Variants in RAD51AP2 observed in about 807,000 individuals in gnomAD.
The protein encoded by RAD51AP2 is RAD51-associated protein 2.
A neutral mutation model predicts 85.5 loss-of-function variants in RAD51AP2; 67 were observed. The observed-to-expected ratio is 0.78, with a 90% CI of 0.64 to 0.96. The LOEUF (loss-of-function observed/expected upper bound fraction) is 0.96, where lower values mean the gene tolerates loss of function less well. RAD51AP2 is among the 40% of genes least tolerant of loss of function. The pLI, the probability that RAD51AP2 is intolerant of heterozygous loss-of-function variation, is 0.00. For missense variants in RAD51AP2, 1,307 were observed against 1,332.4 expected (o/e 0.98, Z 0.30); for synonymous variants, 474 against 446.5 (o/e 1.06, Z -0.78).
Position 17,517,768 on chromosome 2 carries a change from A to G in RAD51AP2, c.648T>C (p.Ser216=), listed in dbSNP as rs1234924225. The G allele has an allele frequency of 6.2e-7, 1 of 1,613,832 alleles. No individual in the cohort carries two copies. Among genetic ancestry groups the G allele is most frequent in the Non-Finnish European group, 8.5e-7 (1 of 1,179,860 alleles). The change falls in exon 1 of 3, where the codon AGT becomes AGC. Residue 216 remains serine, a synonymous_variant. Coordinates refer to ENST00000399080, the MANE Select transcript of RAD51AP2 (RefSeq NM_001099218.3). ...HEIKNRCKAN[S]VVPSNKRENN... is the part of the protein sequence containing the mutation. Reference sequence around the variant, plus strand: ...TTTCTCTTTTATTTGATGGCACAACACTGTTAGCTTTACATCTGTTCTTAA... The same window carrying G: ...TTTCTCTTTTATTTGATGGCACAACGCTGTTAGCTTTACATCTGTTCTTAA...
In RAD51AP2 at chr2:17,516,208, A is replaced by G; in HGVS notation, c.2208T>C (p.Asn736=). 6.2e-7 allele frequency: 1 copy of G among 1,613,362 alleles called. No homozygotes were observed. The highest frequency in any genetic ancestry group is 8.5e-7 in the Non-Finnish European group (1 of 1,179,692). Residue 736 remains asparagine (N), a synonymous_variant, in exon 1 of 3, where the codon AAT becomes AAC. Transcript: ENST00000399080. ...TGTTCTGTATAAATTGAGGACAAGA[A>G]TTACCATGTGCTTTAACAGTACTAG... is the stretch of plus-strand genomic sequence containing the variant. The part of the protein sequence containing the change: ...YNSSTVKAHG[N]SCPQFIQNNR...
At chr2:17,521,063 C>T (rs533151691), upstream of RAD51AP2, among the ~76,000 whole-genome samples, 13 of 152,164 alleles carry the variant, frequency 8.5e-5, no homozygotes, top group South Asian at 1.5e-3. Flanking sequence ...CACTAGGCTC[C>T]ATTAATCAGG....
upstream of RAD51AP2, among the ~76,000 whole-genome samples, chr2:17,522,820 C>G (rs1399798741): frequency 2.0e-5 from 3 of 151,616 alleles, no homozygotes; most frequent in East Asian, 3.9e-4. Context: ...TAGTTTTTTC[C>G]TGAGTTTAGT....
At position 17,516,403 on chromosome 2, in the gene RAD51AP2, A is replaced by T. The variant is rs749966495; in HGVS notation, c.2013T>A (p.Ser671Arg). 3 of 1,607,676 alleles carry T rather than the reference A, an allele frequency of 1.9e-6. No individual in the cohort carries two copies. The highest frequency in any genetic ancestry group is 2.5e-6 in the Non-Finnish European group (3 of 1,177,886). The change falls in exon 1 of 3, where the codon AGT (serine) becomes AGA (arginine). Residue 671 changes from serine to arginine, a missense_variant. Transcript: ENST00000399080. ...KSKKKLINSF[S>R]MTTQNTGFPI... ...GAAAACCTGTATTTTGAGTTGTCAT[A>T]CTGAAGGAATTAATGAGTTTTTTCT... is the stretch of plus-strand genomic sequence containing the variant.
the RAD51AP2 span, among the ~76,000 whole-genome samples, chr2:17,525,299 C>T: frequency 2.6e-5 from 4 of 151,850 alleles, no homozygotes; most frequent in Non-Finnish European, 2.9e-5. Flanking sequence ...CATCAGTGGA[C>T]CTTTTAAGAG....
At chr2:17,525,177 T>A in the RAD51AP2 span, among the ~76,000 whole-genome samples, 2 of 152,022 alleles carry the variant, frequency 1.3e-5, no homozygotes, top group African/African-American at 4.8e-5. Flanking sequence ...AAAAACTAAA[T>A]CTAAATAGAC....
At chr2:17,534,827 T>C in the RAD51AP2 span, among the ~76,000 whole-genome samples, 1 of 152,224 alleles carries the variant, frequency 6.6e-6, no homozygotes, top group Non-Finnish European at 1.5e-5. Flanking sequence ...TTGTGGATTA[T>C]TTGCATGATA....
chr2:17,533,231 T>A, the RAD51AP2 span, among the ~76,000 whole-genome samples: 177 of 152,344 alleles, frequency 1.2e-3, no homozygotes, highest in African/African-American at 3.3e-3. Context: ...TGCAATTTCT[T>A]GATGTCTGCT....
rs762720858 is a variant in RAD51AP2 at position 17,517,247 on chromosome 2, T to C, written c.1169A>G (p.Glu390Gly). ...GTTACAGTCCCAGTTTTGAGATTTT[T>C]CCAGCCTGGTAAGTACGTAACTGTC... ...CLDSYVLTRLEKSQNWDCNVR... is the reference protein window; with the variant it reads ...CLDSYVLTRLGKSQNWDCNVR... Residue 390 changes from glutamate to glycine, a missense_variant, in exon 1 of 3, where the codon GAA becomes GGA. By Grantham distance (98) the Glu-to-Gly change is moderately conservative (BLOSUM62 -2). Around this residue, in one of 3 missense-constraint regions of RAD51AP2, gnomAD observed 635 missense variants for 643.6 expected, o/e 0.99. Transcript: ENST00000399080. The C allele has an allele frequency of 9.5e-5, 154 of 1,613,958 alleles. No individual in the cohort carries two copies. Among genetic ancestry groups the C allele is most frequent in the Non-Finnish European group, 1.2e-4 (147 of 1,179,990 alleles).
chr2:17,534,203 A>G, the RAD51AP2 span, among the ~76,000 whole-genome samples: 1 of 152,288 alleles, frequency 6.6e-6, no homozygotes, highest in South Asian at 2.1e-4. Flanking sequence ...TAGACTATGA[A>G]CTATTAGTGG....
chr2:17,516,634 TAA>T lies in RAD51AP2; in HGVS notation c.1780_1781del (p.Leu594AsnfsTer4), dbSNP rs1201264725. On this transcript the variant is annotated frameshift_variant, in exon 1 of 3. Transcript: ENST00000399080. LOFTEE classifies it high-confidence loss of function. ...ATTCAAAATCATTTTCAATTCTTGT[TAA>T]AGAGTCAAAGTTATTGAGCAAAAAA... is the stretch of plus-strand genomic sequence containing the variant. ...IAFLLNNFDS[L>X]TRIENDFELE... The T allele has an allele frequency of 1.9e-6, 3 of 1,574,496 alleles. No homozygotes were observed. Among genetic ancestry groups the T allele is most frequent in the East Asian group, 2.3e-5 (1 of 44,412 alleles).
the RAD51AP2 span, among the ~76,000 whole-genome samples, chr2:17,535,201 C>A: frequency 6.6e-6 from 1 of 152,032 alleles, no homozygotes; most frequent in Non-Finnish European, 1.5e-5. Flanking sequence ...AAAGGCAAGA[C>A]AAGGGAAGGA....
chr2:17,518,400 G>A lies in RAD51AP2; in HGVS notation c.16C>T (p.Pro6Ser). Reference sequence around the variant, plus strand: ...CTGAGCTCGGCCATCCGCGGCGTGGGCTGAGGGAGAGACATGACAGCGAAT... The same window carrying A: ...CTGAGCTCGGCCATCCGCGGCGTGGACTGAGGGAGAGACATGACAGCGAAT... MSLPQPTPRMAELRKP... is the reference protein window; with the variant it reads MSLPQSTPRMAELRKP... Residue 6 changes from proline (P) to serine (S), a missense_variant, in exon 1 of 3, where the codon CCC becomes TCC. By Grantham distance (74) the Pro-to-Ser change is moderately conservative (BLOSUM62 -1). This residue lies in a region of RAD51AP2 where 635 missense variants were observed against 643.6 expected (regional missense o/e 0.99). Transcript: ENST00000399080. 1 of 1,612,288 alleles carries A rather than the reference G, an allele frequency of 6.2e-7. No homozygotes were observed. The highest frequency in any genetic ancestry group is 1.1e-5 in the South Asian group (1 of 90,952).
At chr2:17,518,486 C>T (rs1043751943), upstream of RAD51AP2, 31 of 1,538,304 alleles carry the variant, frequency 2.0e-5, no homozygotes, top group Non-Finnish European at 2.7e-5. Flanking sequence ...TTCCGGGCCG[C>T]TCTGGTCACG....
chr2:17,532,481 G>C, the RAD51AP2 span, among the ~76,000 whole-genome samples: 1 of 151,730 alleles, frequency 6.6e-6, no homozygotes, highest in African/African-American at 2.4e-5. Context: ...ATGAGTTTGA[G>C]ACTAGCCTGG....
chr2:17,530,584 CAAAAAAAAAA>C, the RAD51AP2 span, among the ~76,000 whole-genome samples: 6 of 80,254 alleles, frequency 7.5e-5, no homozygotes, highest in East Asian at 5.6e-4. Flanking sequence ...GGCCCTGTCT[CAAAAAAAAAA>C]AAAAAAAAAA....
the RAD51AP2 span, among the ~76,000 whole-genome samples, chr2:17,526,099 T>A: frequency 6.6e-6 from 1 of 151,902 alleles, no homozygotes; most frequent in Admixed American, 6.6e-5. Flanking sequence ...ATAAGTAATA[T>A]AATGAATCAA....
At chr2:17,528,729 G>C in the RAD51AP2 span, among the ~76,000 whole-genome samples, 1 of 152,126 alleles carries the variant, frequency 6.6e-6, no homozygotes, top group African/African-American at 2.4e-5. Context: ...TGTGGTCCTA[G>C]CTACTCAGGA....
chr2:17,515,058 AT>A, intron 1 of RAD51AP2, 110 bp downstream of exon 1: 2 of 876,444 alleles, frequency 2.3e-6, no homozygotes. Flanking sequence ...ATTGTCTTGC[AT>A]TTTATCTCTA....
Sources: allele counts gnomAD v4.1 joint callset (sites outside exome capture counted in the v4.1 genomes callset), GRCh38; gene constraint gnomAD v4.1.1; regional missense constraint gnomAD v4.1.1; transcripts MANE v1.5; gene names NCBI Gene and HGNC (gene_info 2026-07-23, HGNC 2026-07-21).